The following SETMAR variants were observed in gnomAD, a reference collection of about 807,000 sequenced individuals.
The protein encoded by SETMAR is SET and mariner transposase domain methyltransferase, also known as histone-lysine N-methyltransferase SETMAR.
In SETMAR, 44 loss-of-function variants were observed where a neutral mutation model predicts 58.4. That is an observed-to-expected ratio of 0.75 (90% confidence interval 0.59 to 0.97). SETMAR has a LOEUF of 0.97. SETMAR is among the 50% of genes least tolerant of loss of function. The probability of loss-of-function intolerance (pLI) is 0.00; values close to 1 mark genes in which losing one functional copy is unlikely to be tolerated. For missense variants in SETMAR, 903 were observed against 840.2 expected (o/e 1.07, Z -0.92); for synonymous variants, 332 against 307.4 (o/e 1.08, Z -0.84).
intron 1 of SETMAR, among the ~76,000 whole-genome samples, chr3:4,307,192 C>A (rs143433860): frequency 8.3e-4 from 126 of 152,286 alleles, no homozygotes; most frequent in African/African-American, 2.9e-3. Context: ...TAGAATGTTA[C>A]AGTATCATAC....
intron 2 of SETMAR, chr3:4,313,975 G>C (rs1698533316): frequency 6.9e-6 from 6 of 872,218 alleles, no homozygotes; most frequent in Non-Finnish European, 1.0e-5. Context: ...AGTTAGATTT[G>C]TCTTAGTGAC....
intron 1 of SETMAR, among the ~76,000 whole-genome samples, chr3:4,307,083 A>G (rs1213105436): frequency 6.6e-6 from 1 of 152,238 alleles, no homozygotes; most frequent in African/African-American, 2.4e-5. Context: ...CTAGAGGCCA[A>G]GTACAAAGAT....
In SETMAR at chr3:4,313,246, G is replaced by T. The variant is rs1698490473; in HGVS notation, c.505G>T (p.Ala169Ser). The change falls in exon 2 of 3, where the codon GCT becomes TCT. Residue 169 changes from alanine to serine, a missense_variant. By Grantham distance (99) the Ala-to-Ser change is moderately conservative. Coordinates refer to ENST00000358065, the MANE Select transcript of SETMAR (RefSeq NM_006515.4). The part of the protein sequence containing the change: ...IPKGRFVCEY[A>S]GEVLGFSEVQ... ...GAAAGGAAGGTTTGTCTGTGAATATGCTGGTGAGGTTTTAGGATTCTCTGA... is the reference window on the plus strand; with the variant it reads ...GAAAGGAAGGTTTGTCTGTGAATATTCTGGTGAGGTTTTAGGATTCTCTGA... 1 of 1,613,804 alleles carries T rather than the reference G, an allele frequency of 6.2e-7. No homozygotes were observed. Among genetic ancestry groups the T allele is most frequent in the South Asian group, 1.1e-5 (1 of 91,082 alleles).
In SETMAR at chr3:4,313,026, C is replaced by G. The variant is rs1292813067; in HGVS notation, c.285C>G (p.Asn95Lys). 1 of 1,613,816 alleles carries G rather than the reference C, an allele frequency of 6.2e-7. No individual in the cohort carries two copies. The highest frequency in any genetic ancestry group is 8.5e-7 in the Non-Finnish European group (1 of 1,179,840). The change falls in exon 2 of 3, where the codon AAC becomes AAG. Residue 95 changes from asparagine (N) to lysine (K), a missense_variant. By Grantham distance (94) the Asn-to-Lys change is moderately conservative. Transcript: ENST00000358065. ...GTCSCLRHGE[N>K]YDDNSCLRDI... Reference sequence around the variant, plus strand: ...GCTCCTGTCTCCGCCATGGAGAGAACTATGATGATAACTCATGCCTTAGAG... The same window carrying G: ...GCTCCTGTCTCCGCCATGGAGAGAAGTATGATGATAACTCATGCCTTAGAG...
At chr3:4,310,511 A>G (rs1453420219) in intron 1 of SETMAR, among the ~76,000 whole-genome samples, 1 of 152,180 alleles carries the variant, frequency 6.6e-6, no homozygotes, top group Non-Finnish European at 1.5e-5. Context: ...CGGGGAAAAA[A>G]TTTATTTAAA....
intron 1 of SETMAR, 33 bp from the exon 2 acceptor site, chr3:4,312,865 C>T (rs772047637): frequency 1.2e-5 from 19 of 1,559,286 alleles, no homozygotes; most frequent in African/African-American, 5.5e-5. Context: ...TATGACATGC[C>T]GTGCTGACTT....
intron 1 of SETMAR, among the ~76,000 whole-genome samples, chr3:4,306,514 A>C (rs578150686): frequency 2.6e-5 from 4 of 152,338 alleles, no homozygotes; most frequent in Non-Finnish European, 5.9e-5. Context: ...TGTTCTAACT[A>C]TCTCTGTATA....
In SETMAR at chr3:4,313,129, AAC is replaced by A. The variant is rs754628752; in HGVS notation, c.390_391del (p.Asn130LysfsTer18). ...GTGCCGATGCAGTGACCACTGCAGAAACAGAGTGGTCCAGAAAGGTCTACAGT... is the reference window on the plus strand; with the variant it reads ...GTGCCGATGCAGTGACCACTGCAGAAAGAGTGGTCCAGAAAGGTCTACAGT... ...VLCRCSDHCR[N>X]RVVQKGLQFH... is the part of the protein sequence containing the mutation. On this transcript the variant is annotated frameshift_variant, in exon 2 of 3. Coordinates refer to ENST00000358065, the MANE Select transcript of SETMAR (RefSeq NM_006515.4). LOFTEE classifies it high-confidence loss of function. 18 of 1,613,870 alleles carry A rather than the reference AAC, an allele frequency of 1.1e-5. No individual in the cohort carries two copies. Among genetic ancestry groups the A allele is most frequent in the Non-Finnish European group, 1.4e-5 (16 of 1,179,930 alleles).
chr3:4,306,701 T>C lies in SETMAR; in HGVS notation c.156+3175T>C, dbSNP rs114393554. Among the ~76,000 whole-genome samples the C allele has an allele frequency of 3.6e-3, 548 of 152,368 alleles. 4 individuals are homozygous for C. Among genetic ancestry groups the C allele is most frequent in the African/African-American group, 0.013 (520 of 41,588 alleles). On this transcript the variant is annotated intron_variant, in intron 1 of 2. Coordinates refer to ENST00000358065, the MANE Select transcript of SETMAR (RefSeq NM_006515.4). ...TTCATGGAACACAAAACCAGTCTTA[T>C]AAAAGGTCAAAACAGCTTGCTTGCT...
rs1698040314 is a variant in SETMAR, at chr3:4,303,544, C to A, written c.156+18C>A. Reference sequence around the variant, plus strand: ...CCTTCCAGGTAGGGGCGGGGCCAGGCGGCGCGGGAGGCGGGCGCGCGGCTC... The same window carrying A: ...CCTTCCAGGTAGGGGCGGGGCCAGGAGGCGCGGGAGGCGGGCGCGCGGCTC... On this transcript the variant is annotated intron_variant, in intron 1 of 2. Transcript: ENST00000358065. 4 of 1,356,698 alleles carry A rather than the reference C, an allele frequency of 2.9e-6. No individual in the cohort carries two copies. The highest frequency in any genetic ancestry group is 3.8e-6 in the Non-Finnish European group (4 of 1,058,152). The allele number at this position is 1,356,698 out of a possible 1,614,324, so 84.0% of individuals were successfully genotyped here. A position where few individuals can be genotyped will look rare whatever the true frequency, so the allele number is the denominator to read the frequency against.
At chr3:4,310,158 G>C (rs1175720413) in intron 1 of SETMAR, among the ~76,000 whole-genome samples, 4 of 152,180 alleles carry the variant, frequency 2.6e-5, no homozygotes. Context: ...ATGCATATAT[G>C]TGGTCTGACC....
rs575025509 is a variant in SETMAR at position 4,304,978 on chromosome 3, G to T, written c.156+1452G>T. On this transcript the variant is annotated intron_variant, in intron 1 of 2. Coordinates refer to ENST00000358065, the MANE Select transcript of SETMAR (RefSeq NM_006515.4). ...GCGGGGCAACTCAAAGTGGTGGGGG[G>T]GGCTTCCAGACTATAGGTAGATTTT... is the stretch of plus-strand genomic sequence containing the variant. Among the ~76,000 whole-genome samples, 17 of 151,448 alleles carry T rather than the reference G, an allele frequency of 1.1e-4. No homozygotes were observed. In the South Asian group the frequency reaches 3.4e-3, roughly 30 times the overall value.
intron 2 of SETMAR, chr3:4,314,057 T>C: frequency 2.0e-6 from 1 of 497,430 alleles, no homozygotes; most frequent in Non-Finnish European, 3.6e-6. Context: ...TCACCTCCTC[T>C]TTCTTCCTGC....
chr3:4,303,961 C>G (rs1054046707), intron 1 of SETMAR: 9 of 865,964 alleles, frequency 1.0e-5, no homozygotes, highest in Admixed American at 4.1e-5. Context: ...GTCTCCCTCA[C>G]GCTGTGGGCT....
chr3:4,309,791 A>C (rs964322837), intron 1 of SETMAR, among the ~76,000 whole-genome samples: 8 of 152,230 alleles, frequency 5.3e-5, no homozygotes, highest in African/African-American at 1.9e-4. Context: ...GGCTTAGGTC[A>C]TATCAGCTGA....
At chr3:4,303,843 T>C in intron 1 of SETMAR, 1 of 1,335,336 alleles carries the variant, frequency 7.5e-7, no homozygotes, top group Non-Finnish European at 9.9e-7. Flanking sequence ...GTCATTTACC[T>C]CCCTGGTCTC....
chr3:4,313,818 G>A, intron 2 of SETMAR, 57 bp downstream of exon 2: 3 of 1,604,844 alleles, frequency 1.9e-6, no homozygotes, highest in African/African-American at 2.7e-5. Context: ...GACAGTGGTT[G>A]GCTAGCTTTA....
In SETMAR at chr3:4,303,393, C is replaced by A; in HGVS notation, c.23C>A (p.Thr8Lys). 2 of 1,559,070 alleles carry A rather than the reference C, an allele frequency of 1.3e-6. No homozygotes were observed. The highest frequency in any genetic ancestry group is 1.7e-6 in the Non-Finnish European group (2 of 1,156,314). MFAEAAK[T>K]TRPCGMAEFK... ...TAAATGTTCGCGGAAGCGGCAAAGA[C>A]GACACGGCCTTGTGGGATGGCGGAG... The change falls in exon 1 of 3, where the codon ACG (threonine) becomes AAG (lysine). Residue 8 changes from threonine (T) to lysine (K), a missense_variant. Thr to Lys is a moderately conservative substitution (Grantham distance 78, BLOSUM62 -1). Transcript: ENST00000358065.
In SETMAR at chr3:4,316,287, G is replaced by A. The variant is rs976768231; in HGVS notation, c.1096G>A (p.Ala366Thr). Reference protein sequence around the residue: ...LFEFKMGRKAAETTRNINNAF... With the variant: ...LFEFKMGRKATETTRNINNAF... The stretch of plus-strand genomic sequence containing the variant: ...CGAGTTCAAAATGGGTCGTAAAGCA[G>A]CAGAAACAACTCGCAACATCAACAA... Residue 366 changes from alanine to threonine, a missense_variant, in exon 3 of 3, where the codon GCA (alanine) becomes ACA (threonine). By Grantham distance (58) the Ala-to-Thr change is moderately conservative. Transcript: ENST00000358065. 7.0e-6 allele frequency: 7 copies of A among 997,556 alleles called. No homozygotes were observed. The highest frequency in any genetic ancestry group is 1.1e-5 in the Non-Finnish European group (7 of 655,852). 61.8% of individuals were successfully genotyped at this position (997,556 alleles called of 1,614,324 possible). A position where few individuals can be genotyped will look rare whatever the true frequency, so the allele number is the denominator to read the frequency against.
Sources: gnomAD v4.1 joint callset for allele counts (sites outside exome capture counted in the v4.1 genomes callset) on GRCh38, gnomAD v4.1.1 for gene constraint, MANE v1.5 for transcripts, NCBI Gene and HGNC (gene_info 2026-07-23, HGNC 2026-07-21) for gene names.